Variants in CEP44 observed in about 807,000 individuals in gnomAD.
The protein encoded by CEP44 is centrosomal protein of 44 kDa.
A neutral mutation model predicts 46.7 loss-of-function variants in CEP44; 45 were observed. The ratio of observed to expected loss-of-function variants is 0.96; its 90% confidence interval spans 0.76 to 1.24. The LOEUF (loss-of-function observed/expected upper bound fraction) is 1.24. CEP44 is among the 50% of genes most tolerant of loss of function. The pLI is 0.00. For synonymous variants in CEP44, 142 were observed against 146.0 expected (o/e 0.97, Z 0.20); for missense variants, 475 against 459.7 (o/e 1.03, Z -0.30).
In CEP44 at chr4:174,319,891, A is replaced by G. The variant is rs956108719; in HGVS notation, c.*2508A>G. The G allele has an allele frequency of 3.0e-6, 3 of 985,128 alleles. No homozygotes were observed. The highest frequency in any genetic ancestry group is 4.7e-5 in the South Asian group (1 of 21,292). The allele number at this position is 985,128 out of a possible 1,614,324, so 61.0% of individuals were successfully genotyped here. On this transcript the variant is annotated 3_prime_UTR_variant, in exon 12 of 12. Coordinates refer to ENST00000503780, the MANE Select transcript of CEP44 (RefSeq NM_001040157.3). The stretch of plus-strand genomic sequence containing the variant: ...AGTTTTCTTGTTTAGGCAATTTGGT[A>G]AGTGGTTTCTAGTTATAAACTAGCC...
At chr4:174,325,057 G>C (rs1742574064), downstream of CEP44, among the ~76,000 whole-genome samples, 1 of 152,152 alleles carries the variant, frequency 6.6e-6, no homozygotes, top group Admixed American at 6.6e-5. This position sits in a 1 kb window ranked among gnomAD's most constrained non-coding sequence, Gnocchi z 4.4. Context: ...TGAATGGGGG[G>C]TGATTAAAAC....
At chr4:174,303,602 C>G (rs1174749553) in intron 4 of CEP44, 101 bp from the exon 5 acceptor site, 1 of 656,472 alleles carries the variant, frequency 1.5e-6, no homozygotes, top group Non-Finnish European at 2.6e-6. Context: ...TCCTTGTCCT[C>G]TCAAAGGTGG....
chr4:174,320,704 A>ATGTGTGTGTGTATGTGTG (rs1742251975), downstream of CEP44, among the ~76,000 whole-genome samples: 3 of 125,242 alleles, frequency 2.4e-5, no homozygotes, highest in Non-Finnish European at 5.3e-5. Flanking sequence ...GTGTGTGTGT[A>ATGTGTGTGTGTATGTGTG]TGTGTGTGTG....
chr4:174,298,927 T>A (rs1739389229), intron 2 of CEP44, 145 bp from the exon 3 acceptor site: 1 of 521,562 alleles, frequency 1.9e-6, no homozygotes, highest in Admixed American at 3.4e-5. Flanking sequence ...AAAGTAGAAC[T>A]TGAGTAGTAG....
At position 174,309,724 on chromosome 4, in the gene CEP44, C is replaced by G. The variant is rs1002116541; in HGVS notation, c.679-126C>G. On this transcript the variant is annotated intron_variant, in intron 7 of 11. Coordinates refer to ENST00000503780, the MANE Select transcript of CEP44 (RefSeq NM_001040157.3). This position sits in a 1 kb window ranked among gnomAD's most constrained non-coding sequence, Gnocchi z 5.3. ...AAGTAGTCTCCATCCAGAGATAGCT[C>G]TCTTAACTCTCAAGCAGGACGGTCT... is the stretch of plus-strand genomic sequence containing the variant. 1.4e-5 allele frequency: 9 copies of G among 647,158 alleles called. No homozygotes were observed. Among genetic ancestry groups the G allele is most frequent in the African/African-American group, 1.3e-4 (7 of 54,460 alleles). 40.1% of individuals were successfully genotyped at this position (647,158 alleles called of 1,614,324 possible).
At chr4:174,296,855 CGTT>C (rs1158090814) in intron 1 of CEP44, among the ~76,000 whole-genome samples, 2 of 137,212 alleles carry the variant, frequency 1.5e-5, no homozygotes, top group African/African-American at 2.7e-5. Context: ...GTATATTTCT[CGTT>C]GTGGTTCTGT....
chr4:174,305,627 C>T (rs572370388), intron 6 of CEP44, among the ~76,000 whole-genome samples: 1 of 152,132 alleles, frequency 6.6e-6, no homozygotes, highest in South Asian at 2.1e-4. Flanking sequence ...TGTACACTTG[C>T]ATCTCTAACT....
rs1288023525 is a variant in CEP44, at chr4:174,312,594, A to G, written c.961+1736A>G. On this transcript the variant is annotated intron_variant, in intron 9 of 11. Transcript: ENST00000503780. The surrounding 1 kb of genome is among the most constrained non-coding windows in gnomAD (Gnocchi z 4.5). The stretch of plus-strand genomic sequence containing the variant: ...ACTGGGATTACAGGTGTGAGTTAAC[A>G]TGTCCGGGTTCACATAGCTAAATTT... Among the ~76,000 whole-genome samples the G allele has an allele frequency of 6.6e-6, 1 of 152,188 alleles. No individual in the cohort carries two copies. The highest frequency in any genetic ancestry group is 1.5e-5 in the Non-Finnish European group (1 of 68,044).
rs1412889134 is a variant in CEP44, at chr4:174,314,510, T to G, written c.962-1656T>G. ...CCTGCCAGCCTGCCAAATACCAGCT[T>G]TCTCCCACCATGAGGCACACTCTTG... On this transcript the variant is annotated intron_variant, in intron 9 of 11. Coordinates refer to ENST00000503780, the MANE Select transcript of CEP44 (RefSeq NM_001040157.3). This position sits in a 1 kb window ranked among gnomAD's most constrained non-coding sequence, Gnocchi z 4.1. Among the ~76,000 whole-genome samples the G allele has an allele frequency of 6.6e-6, 1 of 151,844 alleles. No homozygotes were observed. Among genetic ancestry groups the G allele is most frequent in the East Asian group, 1.9e-4 (1 of 5,160 alleles).
chr4:174,331,374 G>A lies in CEP44; in HGVS notation c.1087-108G>A. On this transcript the variant is annotated intron_variant, in intron 8 of 8. Coordinates refer to the CEP44 transcript ENST00000426172. The surrounding 1 kb of genome is among the most constrained non-coding windows in gnomAD (Gnocchi z 4.5). ...TATTTTCAGAGTACCTATTATGGAA[G>A]AGGAGGAAATATTAATAGCACTCTG... 8.8e-6 allele frequency: 10 copies of A among 1,138,918 alleles called. No homozygotes were observed. Among genetic ancestry groups the A allele is most frequent in the Non-Finnish European group, 1.2e-5 (10 of 841,282 alleles). 70.6% of individuals were successfully genotyped at this position (1,138,918 alleles called of 1,614,324 possible).
chr4:174,302,806 G>A (rs1739890559), intron 4 of CEP44, among the ~76,000 whole-genome samples: 1 of 146,036 alleles, frequency 6.8e-6, no homozygotes, highest in African/African-American at 2.5e-5. Flanking sequence ...TTTTGAGACA[G>A]AGTCTTGCTC....
In CEP44 at chr4:174,311,695, T is replaced by C. The variant is rs1741099576; in HGVS notation, c.961+837T>C. ...ACCATTGCAAGATAAGTACTATTTT[T>C]ATATTTTACAGTTGAGGAAACTGAA... On this transcript the variant is annotated intron_variant, in intron 9 of 11. Transcript: ENST00000503780. This position sits in a 1 kb window ranked among gnomAD's most constrained non-coding sequence, Gnocchi z 4.4. Among the ~76,000 whole-genome samples, 1 of 152,182 alleles carries C rather than the reference T, an allele frequency of 6.6e-6. No individual in the cohort carries two copies. The highest frequency in any genetic ancestry group is 1.5e-5 in the Non-Finnish European group (1 of 68,010).
rs1400179406 is a variant in CEP44, at chr4:174,326,544, ATAAT to A, written c.1087-4936_1087-4933del. Among the ~76,000 whole-genome samples, 2 of 152,086 alleles carry A rather than the reference ATAAT, an allele frequency of 1.3e-5. No homozygotes were observed. Among genetic ancestry groups the A allele is most frequent in the Non-Finnish European group, 2.9e-5 (2 of 67,958 alleles). ...TCCATTATCTTTTTAAAAGGTTTAAATAATTTTTTAAAAGTCTTTTATATGTGCC... is the reference window on the plus strand; with the variant it reads ...TCCATTATCTTTTTAAAAGGTTTAAATTTTTAAAAGTCTTTTATATGTGCC... On this transcript the variant is annotated intron_variant, in intron 8 of 8. Coordinates refer to the CEP44 transcript ENST00000426172. This position sits in a 1 kb window ranked among gnomAD's most constrained non-coding sequence, Gnocchi z 4.8.
chr4:174,294,980 G>T (rs1738757394), intron 1 of CEP44, among the ~76,000 whole-genome samples: 1 of 138,494 alleles, frequency 7.2e-6, no homozygotes, highest in Non-Finnish European at 1.6e-5. Context: ...CGGGTGGGGG[G>T]CTGACCCCCC....
chr4:174,298,563 GT>G (rs1486264403), intron 2 of CEP44, among the ~76,000 whole-genome samples: 1 of 152,176 alleles, frequency 6.6e-6, no homozygotes, highest in Non-Finnish European at 1.5e-5. Context: ...ATTTATCCAA[GT>G]GAACCCTGCA....
chr4:174,294,962 C>T lies in CEP44; in HGVS notation c.-147-3004C>T, dbSNP rs543681473. Among the ~76,000 whole-genome samples the T allele has an allele frequency of 2.2e-3, 300 of 134,152 alleles. 4 individuals carry two copies. Among genetic ancestry groups the T allele is most frequent in the African/African-American group, 8.3e-3 (276 of 33,098 alleles). The allele number at this position is 134,152 out of a possible 152,430, so 88.0% of individuals were successfully genotyped here. On this transcript the variant is annotated intron_variant, in intron 1 of 11. Coordinates refer to ENST00000503780, the MANE Select transcript of CEP44 (RefSeq NM_001040157.3). ...GGCGCCCCTCACCTCCTGGACGGGA[C>T]GGCTGGCCGGGTGGGGGGCTGACCC...
In CEP44 at chr4:174,303,836, G is replaced by A. The variant is rs1406061470; in HGVS notation, c.371G>A (p.Ser124Asn). Residue 124 changes from serine to asparagine, a missense_variant, in exon 5 of 12, where the codon AGC (serine) becomes AAC (asparagine). Coordinates refer to ENST00000503780, the MANE Select transcript of CEP44 (RefSeq NM_001040157.3). The stretch of plus-strand genomic sequence containing the variant: ...GTGATGAAAAAGCACAAGGAATTAA[G>A]CAGTCTTCAGAAGGTAATTTTATGA... ...NCVMKKHKEL[S>N]SLQKIPSQQR... is the part of the protein sequence containing the mutation. 1.9e-6 allele frequency: 3 copies of A among 1,558,826 alleles called. No individual in the cohort carries two copies. The highest frequency in any genetic ancestry group is 2.6e-6 in the Non-Finnish European group (3 of 1,140,198).
rs1040894638 is a variant in CEP44 at position 174,311,653 on chromosome 4, A to G, written c.961+795A>G. Reference sequence around the variant, plus strand: ...ACGATTCTAACTACTATATTAACTCATTTAATTCTTGAAGTAACCATTGCA... The same window carrying G: ...ACGATTCTAACTACTATATTAACTCGTTTAATTCTTGAAGTAACCATTGCA... On this transcript the variant is annotated intron_variant, in intron 9 of 11. Coordinates refer to ENST00000503780, the MANE Select transcript of CEP44 (RefSeq NM_001040157.3). The surrounding 1 kb of genome is among the most constrained non-coding windows in gnomAD (Gnocchi z 4.4). 6.6e-6 allele frequency among the ~76,000 whole-genome samples: 1 copy of G among 152,178 alleles called. No individual in the cohort carries two copies. The highest frequency in any genetic ancestry group is 2.4e-5 in the African/African-American group (1 of 41,464).
chr4:174,320,402 A>G (rs1742207512), downstream of CEP44: 2 of 742,738 alleles, frequency 2.7e-6, no homozygotes, highest in Non-Finnish European at 1.6e-6. Flanking sequence ...ATAAAAATTA[A>G]TATAACCTTC....
Sources: allele counts gnomAD v4.1 joint callset (sites outside exome capture counted in the v4.1 genomes callset), GRCh38; gene constraint gnomAD v4.1.1; non-coding constraint Gnocchi (gnomAD v3.1); transcripts MANE v1.5; gene names NCBI Gene and HGNC (gene_info 2026-07-23, HGNC 2026-07-21).